MORC3: variants seen among roughly 807,000 people sequenced by gnomAD.
The protein encoded by MORC3 is MORC family CW-type zinc finger 3.
MORC3 carries 31 observed loss-of-function variants against 109.1 expected under a neutral mutation model. The observed-to-expected ratio is 0.28, with a 90% CI of 0.21 to 0.38. MORC3 has a LOEUF of 0.38. MORC3 is among the 10% of genes least tolerant of loss of function. MORC3 has a pLI of 1.00. For synonymous variants in MORC3, 395 were observed against 380.7 expected (o/e 1.04, Z -0.44); for missense variants, 867 against 1,135.8 (o/e 0.76, Z 3.40).
Position 36,369,492 on chromosome 21 carries a change from G to A in MORC3, c.2124G>A (p.Glu708=), listed in dbSNP as rs780122143. Residue 708 remains glutamate, a synonymous_variant, in exon 15 of 17, where the codon GAG becomes GAA. Transcript: ENST00000400485. ...GAAACCAGCTACTCCTTGTCACTGAGGAAAAAGAGAATTATAAAAGACAGT... is the reference window on the plus strand; with the variant it reads ...GAAACCAGCTACTCCTTGTCACTGAAGAAAAAGAGAATTATAAAAGACAGT... ...ELRNQLLLVT[E]EKENYKRQCH... 5.0e-6 allele frequency: 8 copies of A among 1,613,930 alleles called. No individual in the cohort carries two copies. In the East Asian group the frequency reaches 1.6e-4, roughly 31 times the overall value.
chr21:36,363,491 G>C (rs989033099), intron 13 of MORC3, among the ~76,000 whole-genome samples: 1 of 152,070 alleles, frequency 6.6e-6, no homozygotes, highest in African/African-American at 2.4e-5. Context: ...TCATAGCTTC[G>C]CCTAGCCTAC....
chr21:36,370,652 T>A (rs13050759), intron 15 of MORC3, among the ~76,000 whole-genome samples: 9 of 103,756 alleles, frequency 8.7e-5, no homozygotes, highest in South Asian at 7.3e-4. Flanking sequence ...TTTTTTTTTT[T>A]TTTTTTTTTT....
intron 7 of MORC3, 84 bp from the exon 8 acceptor site, chr21:36,344,828 T>G: frequency 6.2e-7 from 1 of 1,600,604 alleles, no homozygotes; most frequent in South Asian, 1.1e-5. Flanking sequence ...TTTGTGTGCT[T>G]TTGGACTTAC....
chr21:36,340,290 A>C (rs537129561), intron 5 of MORC3, among the ~76,000 whole-genome samples: 31 of 151,924 alleles, frequency 2.0e-4, no homozygotes, highest in East Asian at 1.2e-3. Flanking sequence ...AAAAAAAAAA[A>C]AAAACTATAG....
intron 9 of MORC3, among the ~76,000 whole-genome samples, chr21:36,351,057 C>CCTT (rs2085565090): frequency 1.4e-5 from 1 of 71,428 alleles, no homozygotes; most frequent in Non-Finnish European, 2.6e-5. Flanking sequence ...GGTTGTCCTC[C>CCTT]TTTTTTTTTT....
At position 36,349,349 on chromosome 21, in the gene MORC3, G is replaced by A; in HGVS notation, c.1044G>A (p.Glu348=). 5.6e-6 allele frequency: 9 copies of A among 1,611,042 alleles called. No individual in the cohort carries two copies. The highest frequency in any genetic ancestry group is 7.6e-6 in the Non-Finnish European group (9 of 1,179,056). Residue 348 remains glutamate, a synonymous_variant, in exon 9 of 17, where the codon GAG becomes GAA. Transcript: ENST00000400485. ...GTGTTGGAGTGGTTGGAATTATAGA[G>A]TGTAATTTCCTTAAGCCAACTCATA... ...NMGVGVVGII[E]CNFLKPTHNK...
chr21:36,349,339 G>A lies in MORC3; in HGVS notation c.1034G>A (p.Gly345Glu). 6.2e-7 allele frequency: 1 copy of A among 1,610,904 alleles called. No individual in the cohort carries two copies. The highest frequency in any genetic ancestry group is 8.5e-7 in the Non-Finnish European group (1 of 1,179,018). ...RANNMGVGVV[G>E]IIECNFLKPT... ...AACAACATGGGTGTTGGAGTGGTTG[G>A]AATTATAGAGTGTAATTTCCTTAAG... Residue 345 changes from glycine to glutamate, a missense_variant, in exon 9 of 17, where the codon GGA becomes GAA. Coordinates refer to ENST00000400485, the MANE Select transcript of MORC3 (RefSeq NM_015358.3).
At chr21:36,368,367 G>A (rs2085804739) in intron 14 of MORC3, among the ~76,000 whole-genome samples, 1 of 151,986 alleles carries the variant, frequency 6.6e-6, no homozygotes. Context: ...GCCGGGGTGG[G>A]TAGCATTCTG....
At chr21:36,325,983 G>T (rs1324279401) in intron 1 of MORC3, among the ~76,000 whole-genome samples, 1 of 152,164 alleles carries the variant, frequency 6.6e-6, no homozygotes, top group Non-Finnish European at 1.5e-5. Context: ...GAGGCAGGGG[G>T]ATCACTTGAG....
intron 14 of MORC3, among the ~76,000 whole-genome samples, chr21:36,365,209 A>G (rs2085766729): frequency 6.6e-6 from 1 of 152,202 alleles, no homozygotes; most frequent in African/African-American, 2.4e-5. Context: ...TGAATTGAAT[A>G]GTTAGCCATC....
At chr21:36,334,032 C>A (rs1161233613) in intron 2 of MORC3, among the ~76,000 whole-genome samples, 1 of 151,922 alleles carries the variant, frequency 6.6e-6, no homozygotes, top group African/African-American at 2.4e-5. Flanking sequence ...CGTGATCCGC[C>A]TGCCTCAGCC....
At position 36,372,356 on chromosome 21, in the gene MORC3, C is replaced by A; in HGVS notation, c.2509-18C>A. 1.3e-6 allele frequency: 2 copies of A among 1,544,790 alleles called. No individual in the cohort carries two copies. Among genetic ancestry groups the A allele is most frequent in the South Asian group, 1.3e-5 (1 of 79,046 alleles). On this transcript the variant is annotated intron_variant, in intron 15 of 16. Transcript: ENST00000400485. ...TTTTAAGTTTTACAGTTATAAAGCTCATTTATATTTTTGTTAGGTTGAATT... is the reference window on the plus strand; with the variant it reads ...TTTTAAGTTTTACAGTTATAAAGCTAATTTATATTTTTGTTAGGTTGAATT...
chr21:36,349,947 T>C (rs922517688), intron 9 of MORC3, among the ~76,000 whole-genome samples: 3 of 152,068 alleles, frequency 2.0e-5, no homozygotes, highest in African/African-American at 7.2e-5. Context: ...AGCAAAATAG[T>C]AACAGAGTAC....
At position 36,338,894 on chromosome 21, in the gene MORC3, C is replaced by T. The variant is rs2146301054; in HGVS notation, c.581C>T (p.Thr194Met). The change falls in exon 5 of 17, where the codon ACG (threonine) becomes ATG (methionine). Residue 194 changes from threonine to methionine, a missense_variant. Thr to Met is a moderately conservative substitution (Grantham distance 81). Coordinates refer to ENST00000400485, the MANE Select transcript of MORC3 (RefSeq NM_015358.3). ...ELDAIIGKKG[T>M]RIIIWNLRSY... ...GATGCTATTATAGGCAAGAAGGGGACGAGGATCATCATTTGGAATCTTAGA... is the reference window on the plus strand; with the variant it reads ...GATGCTATTATAGGCAAGAAGGGGATGAGGATCATCATTTGGAATCTTAGA... 3 of 1,613,740 alleles carry T rather than the reference C, an allele frequency of 1.9e-6. No homozygotes were observed. Among genetic ancestry groups the T allele is most frequent in the Non-Finnish European group, 2.5e-6 (3 of 1,179,854 alleles).
intron 5 of MORC3, among the ~76,000 whole-genome samples, chr21:36,340,139 G>A (rs929666878): frequency 1.3e-5 from 2 of 152,070 alleles, no homozygotes; most frequent in African/African-American, 2.4e-5. Flanking sequence ...TTAGCTGGGC[G>A]CGGTGGCGGG....
chr21:36,362,363 T>G, intron 13 of MORC3, 135 bp downstream of exon 13: 1 of 939,670 alleles, frequency 1.1e-6, no homozygotes, highest in South Asian at 1.6e-5. Context: ...GCCAACATGG[T>G]GAAACCCTGT....
intron 9 of MORC3, among the ~76,000 whole-genome samples, chr21:36,350,188 T>C (rs1260868808): frequency 6.6e-6 from 1 of 151,978 alleles, no homozygotes; most frequent in Non-Finnish European, 1.5e-5. Flanking sequence ...GTGTCTGTGG[T>C]CCCAGCTACT....
chr21:36,362,148 G>A (rs745360665), intron 12 of MORC3, 35 bp from the exon 13 acceptor site: 3 of 1,604,454 alleles, frequency 1.9e-6, no homozygotes, highest in Non-Finnish European at 2.6e-6. Context: ...ATGGGATTGA[G>A]AAATAACAAC....
intron 8 of MORC3, among the ~76,000 whole-genome samples, chr21:36,346,245 C>A (rs2146310926): frequency 6.6e-6 from 1 of 152,314 alleles, no homozygotes; most frequent in East Asian, 1.9e-4. Flanking sequence ...CCTCAAACTC[C>A]TGAACTCAAG....
Sources: gnomAD v4.1 joint callset for allele counts (sites outside exome capture counted in the v4.1 genomes callset) on GRCh38, gnomAD v4.1.1 for gene constraint, MANE v1.5 for transcripts, NCBI Gene and HGNC (gene_info 2026-07-23, HGNC 2026-07-21) for gene names.